The following PCGF3 variants were observed in gnomAD, a reference collection of about 807,000 sequenced individuals.
The protein encoded by PCGF3 is polycomb group ring finger 3.
Under a neutral mutation model 33.1 loss-of-function variants are expected in PCGF3, and 7 were observed. That is an observed-to-expected ratio of 0.21 (90% confidence interval 0.12 to 0.40). The LOEUF (loss-of-function observed/expected upper bound fraction) is 0.40. Among genes scored for constraint, PCGF3 ranks in the 10% least tolerant of loss-of-function variants. The pLI, the probability that PCGF3 is intolerant of heterozygous loss-of-function variation, is 1.00. For missense variants in PCGF3, 211 were observed against 313.3 expected (o/e 0.67, Z 2.46); for synonymous variants, 153 against 121.3 (o/e 1.26, Z -1.72).
At chr4:739,430 A>G (rs976069395) in intron 6 of PCGF3, among the ~76,000 whole-genome samples, 3 of 152,170 alleles carry the variant, frequency 2.0e-5, no homozygotes, top group East Asian at 3.9e-4. Flanking sequence ...GGGCTCAAGC[A>G]GTCCTCCTGC....
At chr4:768,639 T>C (rs536206388) in exon 11 of PCGF3, 2 of 152,492 alleles carry the variant, frequency 1.3e-5, no homozygotes, top group Non-Finnish European at 2.9e-5. Context: ...ACATAGAAAA[T>C]TCAAATAGAA....
intron 8 of PCGF3, among the ~76,000 whole-genome samples, chr4:760,819 T>G (rs1444471633): frequency 5.3e-5 from 8 of 152,248 alleles, no homozygotes; most frequent in Non-Finnish European, 1.5e-5. Context: ...AAACTGCTGG[T>G]CACCTGGAAG....
At chr4:743,520 G>A (rs200068905) in exon 7 of PCGF3, 6 of 1,613,826 alleles carry the variant, frequency 3.7e-6, no homozygotes, top group Non-Finnish European at 4.2e-6. Context: ...TGGGCATGGA[G>A]GTGCCGGGAG....
chr4:763,056 G>A (rs538796982), intron 9 of PCGF3, among the ~76,000 whole-genome samples: 143 of 152,148 alleles, frequency 9.4e-4, no homozygotes, highest in African/African-American at 3.3e-3. Context: ...CAGGTTGGCC[G>A]GGGATACGGA....
rs1184412140 is a variant in PCGF3 at position 705,989 on chromosome 4, C to T, written c.-190+19C>T. 1 of 152,230 alleles carries T rather than the reference C, an allele frequency of 6.6e-6. No individual in the cohort carries two copies. The highest frequency in any genetic ancestry group is 1.9e-4 in the East Asian group (1 of 5,182). The allele number at this position is 152,230 out of a possible 1,614,324, so 9.4% of individuals were successfully genotyped here. A position where few individuals can be genotyped will look rare whatever the true frequency, so the allele number is the denominator to read the frequency against. On this transcript the variant is annotated intron_variant, in intron 1 of 10. Coordinates refer to ENST00000362003, the Ensembl canonical transcript of PCGF3. ...ACCGCAGGTCAGTGAGTCCGCCCCG[C>T]CTGGCCTGGGCCCTCGGCGCCCGCT... is the stretch of plus-strand genomic sequence containing the variant.
chr4:761,274 C>A lies in PCGF3; in HGVS notation c.463-5C>A, dbSNP rs111637997. 13 of 1,577,792 alleles carry A rather than the reference C, an allele frequency of 8.2e-6. No individual in the cohort carries two copies. Among genetic ancestry groups the A allele is most frequent in the Non-Finnish European group, 1.1e-5 (13 of 1,157,868 alleles). On this transcript the variant is annotated splice_region_variant and splice_polypyrimidine_tract_variant and intron_variant, in intron 8 of 10. Coordinates refer to ENST00000362003, the Ensembl canonical transcript of PCGF3. ...CTGCGCTCTCACCAGCGTCCTTTCC[C>A]GCAGGTGAGCATCTGCCTGGAGTGT...
At chr4:762,560 C>G (rs368523432) in intron 9 of PCGF3, 1 of 152,358 alleles carries the variant, frequency 6.6e-6, no homozygotes, top group Non-Finnish European at 1.5e-5. Flanking sequence ...AGCATGTGTT[C>G]TCACTTCTGA....
At chr4:734,113 TC>T (rs1426761935) in intron 4 of PCGF3, 1 of 1,550,656 alleles carries the variant, frequency 6.4e-7, no homozygotes, top group South Asian at 1.2e-5. Context: ...CCAGAGGAGT[TC>T]CTTAGATCCT....
At chr4:708,132 C>T (rs1412387017) in intron 1 of PCGF3, among the ~76,000 whole-genome samples, 1 of 152,032 alleles carries the variant, frequency 6.6e-6, no homozygotes, top group Non-Finnish European at 1.5e-5. Flanking sequence ...CTCCCAGGGC[C>T]CGGCACCCTG....
intron 6 of PCGF3, among the ~76,000 whole-genome samples, chr4:739,738 T>C (rs1401561786): frequency 2.0e-5 from 3 of 152,244 alleles, no homozygotes; most frequent in Non-Finnish European, 2.9e-5. Context: ...CACGTGTTAG[T>C]TGGAGTGTGC....
chr4:714,128 G>T (rs1018604544), intron 1 of PCGF3, among the ~76,000 whole-genome samples: 1 of 152,122 alleles, frequency 6.6e-6, no homozygotes, highest in Non-Finnish European at 1.5e-5. Context: ...TTGAGGACAC[G>T]AGAGAAGGCA....
chr4:754,210 G>A lies in PCGF3; in HGVS notation c.463-7069G>A, dbSNP rs114620959. ...TGAGCAGGCTGGGGGTTCTGGTGTG[G>A]GGTCCCTGCCGCCCTCCAGAGGCTC... On this transcript the variant is annotated intron_variant, in intron 8 of 10. Coordinates refer to ENST00000362003, the Ensembl canonical transcript of PCGF3. 8.8e-3 allele frequency among the ~76,000 whole-genome samples: 1,339 copies of A among 152,332 alleles called. 20 individuals carry two copies. The highest frequency in any genetic ancestry group is 0.029 in the African/African-American group (1,213 of 41,570).
At position 765,545 on chromosome 4, in the gene PCGF3, G is replaced by A. The variant is rs184799500; in HGVS notation, c.681+481G>A. 1.9e-4 allele frequency among the ~76,000 whole-genome samples: 29 copies of A among 152,350 alleles called. No homozygotes were observed. In the East Asian group the frequency reaches 3.9e-3, roughly 20 times the overall value. ...GCTTGGAAGGTGCCAGCTGAGCTGC[G>A]AAGGGCACAGGCCCTGGTGGGAAAG... On this transcript the variant is annotated intron_variant, in intron 10 of 10. Transcript: ENST00000362003.
At chr4:715,192 T>C (rs1394809805) in intron 1 of PCGF3, among the ~76,000 whole-genome samples, 3 of 121,410 alleles carry the variant, frequency 2.5e-5, no homozygotes, top group Non-Finnish European at 5.5e-5. Context: ...CTGTAGACAC[T>C]GCGAGTGTGA....
intron 1 of PCGF3, among the ~76,000 whole-genome samples, chr4:708,685 A>G (rs893379350): frequency 6.6e-6 from 1 of 152,096 alleles, no homozygotes; most frequent in Non-Finnish European, 1.5e-5. Flanking sequence ...CGTGTCCAGC[A>G]CCTTCAACCC....
intron 1 of PCGF3, among the ~76,000 whole-genome samples, chr4:718,276 G>A (rs1018035484): frequency 5.9e-5 from 9 of 152,080 alleles, no homozygotes; most frequent in East Asian, 1.9e-4. Flanking sequence ...CCCCGGGGGC[G>A]GCGCTGGGGG....
At chr4:707,809 C>T (rs1364647131) in intron 1 of PCGF3, among the ~76,000 whole-genome samples, 1 of 118,798 alleles carries the variant, frequency 8.4e-6, no homozygotes, top group Non-Finnish European at 1.8e-5. Flanking sequence ...CCCTGGGGGC[C>T]GGGACCCTGG....
intron 1 of PCGF3, among the ~76,000 whole-genome samples, chr4:723,352 C>G (rs1743196700): frequency 6.6e-6 from 1 of 151,486 alleles, no homozygotes. Flanking sequence ...AGGGGCTGGC[C>G]CTGGGTGTGA....
At chr4:757,664 G>A (rs1744827535) in intron 8 of PCGF3, 1 of 152,108 alleles carries the variant, frequency 6.6e-6, no homozygotes. Context: ...CACATTCCAC[G>A]ATTTTCCATG....
Sources: gnomAD v4.1 joint callset for allele counts (sites outside exome capture counted in the v4.1 genomes callset) on GRCh38, gnomAD v4.1.1 for gene constraint, MANE v1.5 for transcripts, NCBI Gene and HGNC (gene_info 2026-07-23, HGNC 2026-07-21) for gene names.